FSTL4: variants seen among roughly 807,000 people sequenced by gnomAD.
FSTL4 encodes the protein follistatin like 4.
Under a neutral mutation model 78.2 loss-of-function variants are expected in FSTL4, and 28 were observed. That is an observed-to-expected ratio of 0.36 (90% CI 0.27 to 0.49). FSTL4 has a LOEUF of 0.49. Among genes scored for constraint, FSTL4 ranks in the 20% least tolerant of loss-of-function variants. FSTL4 has a pLI of 0.98. For synonymous variants in FSTL4, 422 were observed against 440.5 expected (o/e 0.96, Z 0.53); for missense variants, 922 against 1,084.9 (o/e 0.85, Z 2.11).
At chr5:133,798,650 C>G in the FSTL4 span, among the ~76,000 whole-genome samples, 1 of 152,174 alleles carries the variant, frequency 6.6e-6, no homozygotes, top group African/African-American at 2.4e-5. Context: ...CTGACCTAGA[C>G]AACCTCACGA....
At chr5:133,375,725 C>T (rs1306033971) in intron 4 of FSTL4, among the ~76,000 whole-genome samples, 1 of 152,208 alleles carries the variant, frequency 6.6e-6, no homozygotes, top group African/African-American at 2.4e-5. Context: ...AAAATATCTA[C>T]TTGTCTAGAA....
the FSTL4 span, among the ~76,000 whole-genome samples, chr5:133,791,278 G>GCACACACA: frequency 7.0e-4 from 104 of 148,820 alleles, 1 homozygote; most frequent in Admixed American, 2.2e-3. Context: ...ACATGTGCGT[G>GCACACACA]CACACACACA....
At chr5:133,601,472 G>T (rs559175673) in intron 2 of FSTL4, among the ~76,000 whole-genome samples, 26 of 152,272 alleles carry the variant, frequency 1.7e-4, no homozygotes, top group African/African-American at 5.8e-4. Flanking sequence ...AACCAGAGCT[G>T]GGCCCTGAAG....
chr5:133,436,143 C>A (rs1757027637), intron 3 of FSTL4, among the ~76,000 whole-genome samples: 1 of 152,076 alleles, frequency 6.6e-6, no homozygotes, highest in East Asian at 1.9e-4. Flanking sequence ...CAGACATCAG[C>A]CAATAGTTTC....
At chr5:133,502,410 G>C (rs1758518214) in intron 3 of FSTL4, among the ~76,000 whole-genome samples, 1 of 152,196 alleles carries the variant, frequency 6.6e-6, no homozygotes, top group Non-Finnish European at 1.5e-5. Flanking sequence ...TAGGAGCAGA[G>C]AGCATCCCCT....
the FSTL4 span, among the ~76,000 whole-genome samples, chr5:133,827,328 C>G: frequency 1.3e-5 from 2 of 152,150 alleles, no homozygotes. Flanking sequence ...AAGGACAGGC[C>G]TTCCTGACAG....
chr5:133,745,894 G>T, the FSTL4 span, among the ~76,000 whole-genome samples: 1 of 152,202 alleles, frequency 6.6e-6, no homozygotes, highest in Non-Finnish European at 1.5e-5. Flanking sequence ...TCACGTTAAT[G>T]ACAAACAAGT....
intron 14 of FSTL4, among the ~76,000 whole-genome samples, chr5:133,205,083 G>GTGTT (rs1257253613): frequency 2.0e-5 from 3 of 152,140 alleles, no homozygotes; most frequent in East Asian, 1.9e-4. Flanking sequence ...TATGCTTTCA[G>GTGTT]TGTTTTGCCA....
intron 3 of FSTL4, among the ~76,000 whole-genome samples, chr5:133,404,174 G>C (rs555959476): frequency 1.3e-5 from 2 of 152,344 alleles, no homozygotes; most frequent in South Asian, 4.1e-4. Flanking sequence ...AGAGGGCTGA[G>C]GATACCCCGG....
chr5:133,710,296 C>T, the FSTL4 span, among the ~76,000 whole-genome samples: 20 of 152,120 alleles, frequency 1.3e-4, no homozygotes, highest in Non-Finnish European at 1.9e-4. Flanking sequence ...AATACAAGCC[C>T]GGCCCTCCAC....
intron 3 of FSTL4, among the ~76,000 whole-genome samples, chr5:133,404,498 A>C (rs1756309740): frequency 6.6e-6 from 1 of 152,206 alleles, no homozygotes; most frequent in Non-Finnish European, 1.5e-5. Context: ...TTTCCAACAC[A>C]AATTAAATTT....
chr5:133,626,648 G>T, the FSTL4 span, among the ~76,000 whole-genome samples: 1 of 151,608 alleles, frequency 6.6e-6, no homozygotes, highest in African/African-American at 2.4e-5. Context: ...TTGACCCATG[G>T]ATTATTTAGA....
chr5:133,422,843 T>C (rs1756729561), intron 3 of FSTL4, among the ~76,000 whole-genome samples: 1 of 152,272 alleles, frequency 6.6e-6, no homozygotes, highest in South Asian at 2.1e-4. Flanking sequence ...AATATGTGTT[T>C]AATTGGGTCA....
the FSTL4 span, among the ~76,000 whole-genome samples, chr5:133,737,396 T>C: frequency 6.6e-6 from 1 of 152,170 alleles, no homozygotes; most frequent in African/African-American, 2.4e-5. Context: ...ACTTAACATA[T>C]TGATCTCCCA....
At chr5:133,558,495 A>C (rs553187823) in intron 3 of FSTL4, among the ~76,000 whole-genome samples, 17 of 151,834 alleles carry the variant, frequency 1.1e-4, no homozygotes, top group African/African-American at 4.1e-4. Flanking sequence ...TATTGGCTGC[A>C]CTCTTATCCC....
intron 3 of FSTL4, among the ~76,000 whole-genome samples, chr5:133,511,794 G>A (rs1296552462): frequency 6.6e-6 from 1 of 152,160 alleles, no homozygotes; most frequent in African/African-American, 2.4e-5. Context: ...CTGAGAGGCA[G>A]AGGAAAGAGA....
intron 3 of FSTL4, among the ~76,000 whole-genome samples, chr5:133,467,677 G>A (rs549879909): frequency 6.6e-6 from 1 of 152,134 alleles, no homozygotes; most frequent in South Asian, 2.1e-4. Context: ...GGGAGAGAAG[G>A]GCAGGAGTTC....
chr5:133,320,801 A>C (rs1406364119), intron 4 of FSTL4, among the ~76,000 whole-genome samples: 1 of 151,986 alleles, frequency 6.6e-6, no homozygotes, highest in Admixed American at 6.5e-5. Flanking sequence ...AGGTCAGGAG[A>C]TTGAGACCAT....
intron 4 of FSTL4, among the ~76,000 whole-genome samples, chr5:133,383,582 AG>A (rs1373085660): frequency 6.6e-6 from 1 of 152,178 alleles, no homozygotes; most frequent in Admixed American, 6.5e-5. Context: ...GACAGGCCCC[AG>A]GGCCCTGGGA....
Sources: allele counts gnomAD v4.1 joint callset (sites outside exome capture counted in the v4.1 genomes callset), GRCh38; gene constraint gnomAD v4.1.1; transcripts MANE v1.5; gene names NCBI Gene and HGNC (gene_info 2026-07-23, HGNC 2026-07-21).